The following DNAH6 variants were observed in gnomAD, a reference collection of about 807,000 sequenced individuals.
The protein encoded by DNAH6 is dynein axonemal heavy chain 6, also known as axonemal beta dynein heavy chain 6.
DNAH6 carries 340 observed loss-of-function variants against 491.4 expected under a neutral mutation model. The ratio of observed to expected loss-of-function variants is 0.69; its 90% CI spans 0.63 to 0.76. The LOEUF (loss-of-function observed/expected upper bound fraction) is 0.76, where lower values mean the gene tolerates loss of function less well. Among genes scored for constraint, DNAH6 ranks in the 30% least tolerant of loss-of-function variants. The pLI is 0.00. For synonymous variants in DNAH6, 1,603 were observed against 1,686.1 expected, an observed-to-expected ratio of 0.95 and a Z score of 1.21; for missense variants, 4,443 against 4,972.2, an observed-to-expected ratio of 0.89 and a Z score of 3.20.
intron 17 of DNAH6, among the ~76,000 whole-genome samples, chr2:84,594,649 G>A (rs1684408533): frequency 6.6e-6 from 1 of 152,084 alleles, no homozygotes; most frequent in South Asian, 2.1e-4. Context: ...AAAATAGATG[G>A]CCACCTATAC....
chr2:84,557,237 CAT>C (rs775439518), intron 10 of DNAH6, among the ~76,000 whole-genome samples: 2 of 152,204 alleles, frequency 1.3e-5, no homozygotes, highest in Non-Finnish European at 2.9e-5. Flanking sequence ...AATTAGAAAA[CAT>C]ATGTCCTGAA....
At chr2:84,547,202 T>A in intron 5 of DNAH6, 66 bp from the exon 6 acceptor site, 1 of 1,347,190 alleles carries the variant, frequency 7.4e-7, no homozygotes, top group Middle Eastern at 2.7e-4. Context: ...TCTTGCTTTT[T>A]GAATGTTCTA....
intron 50 of DNAH6, among the ~76,000 whole-genome samples, chr2:84,703,821 C>T (rs1349063259): frequency 6.6e-6 from 1 of 151,990 alleles, no homozygotes; most frequent in African/African-American, 2.4e-5. Flanking sequence ...GAGAAAAGCA[C>T]CACCTACAAA....
At chr2:84,464,188 T>C in the DNAH6 span, among the ~76,000 whole-genome samples, 1 of 152,204 alleles carries the variant, frequency 6.6e-6, no homozygotes, top group Non-Finnish European at 1.5e-5. Flanking sequence ...TACTCCTACT[T>C]TGAAGGCCTG....
At chr2:84,595,558 T>TCGCTGTA in intron 17 of DNAH6, 88 bp from the exon 18 acceptor site, 1 of 1,215,142 alleles carries the variant, frequency 8.2e-7, no homozygotes. Context: ...TAGATTTGGA[T>TCGCTGTA]TAACTTTTAA....
chr2:84,789,131 G>A (rs1677495253), intron 68 of DNAH6, among the ~76,000 whole-genome samples: 1 of 152,154 alleles, frequency 6.6e-6, no homozygotes, highest in African/African-American at 2.4e-5. Context: ...TTTATAAATG[G>A]ATAACTAGTT....
At chr2:84,727,169 T>C (rs1182205323) in intron 60 of DNAH6, among the ~76,000 whole-genome samples, 10 of 152,196 alleles carry the variant, frequency 6.6e-5, no homozygotes, top group African/African-American at 2.2e-4. Context: ...AAACTGGTCC[T>C]GCTAGCTCAC....
chr2:84,719,301 G>GT (rs1341400336), intron 59 of DNAH6, among the ~76,000 whole-genome samples: 1 of 151,856 alleles, frequency 6.6e-6, no homozygotes, highest in Non-Finnish European at 1.5e-5. Context: ...TCTTCCTTGG[G>GT]TTTTTTATTT....
At chr2:84,519,491 A>G (rs1272855570) in intron 2 of DNAH6, among the ~76,000 whole-genome samples, 1 of 152,096 alleles carries the variant, frequency 6.6e-6, no homozygotes, top group Non-Finnish European at 1.5e-5. Context: ...GACTAATTTC[A>G]CACCTGTGGG....
the DNAH6 span, among the ~76,000 whole-genome samples, chr2:84,475,203 G>T: frequency 1.3e-5 from 2 of 152,144 alleles, no homozygotes; most frequent in Non-Finnish European, 2.9e-5. Context: ...ACCTTTTTTG[G>T]TGGCTCCCCA....
At chr2:84,553,070 C>A (rs1424426339) in intron 10 of DNAH6, 36 bp downstream of exon 10, 1 of 1,274,576 alleles carries the variant, frequency 7.8e-7, no homozygotes, top group Non-Finnish European at 1.1e-6. Flanking sequence ...CATGCAAGCA[C>A]CTATTTGGAA....
chr2:84,814,613 C>T (rs1386592387), intron 75 of DNAH6, among the ~76,000 whole-genome samples: 1 of 152,132 alleles, frequency 6.6e-6, no homozygotes, highest in African/African-American at 2.4e-5. Flanking sequence ...ACATAAAAGC[C>T]CCCACCGGAG....
At chr2:84,654,586 G>A in intron 34 of DNAH6, 74 bp from the exon 35 acceptor site, 1 of 1,526,078 alleles carries the variant, frequency 6.6e-7, no homozygotes, top group Non-Finnish European at 8.9e-7. Flanking sequence ...CATTTTATAA[G>A]TGTGAACATT....
chr2:84,526,698 G>C (rs537006323), intron 3 of DNAH6, among the ~76,000 whole-genome samples: 1 of 152,180 alleles, frequency 6.6e-6, no homozygotes, highest in South Asian at 2.1e-4. Flanking sequence ...GGGTTTGGGT[G>C]AGATCATCCT....
Position 84,634,501 on chromosome 2 carries a change from C to T in DNAH6, c.4516-3C>T. On this transcript the variant is annotated splice_region_variant and splice_polypyrimidine_tract_variant and intron_variant, in intron 29 of 76. Transcript: ENST00000389394. ...AAGTTGAACTGCTTTATTTTGATTTCAGATGATGGGGCGCTTCTTCAGTGG... is the reference window on the plus strand; with the variant it reads ...AAGTTGAACTGCTTTATTTTGATTTTAGATGATGGGGCGCTTCTTCAGTGG... 2 of 1,532,748 alleles carry T rather than the reference C, an allele frequency of 1.3e-6. No individual in the cohort carries two copies. The highest frequency in any genetic ancestry group is 1.8e-6 in the Non-Finnish European group (2 of 1,140,522). 94.9% of individuals were successfully genotyped at this position (1,532,748 alleles called of 1,614,324 possible).
chr2:84,768,357 G>C (rs1392657330), intron 64 of DNAH6, among the ~76,000 whole-genome samples: 1 of 151,434 alleles, frequency 6.6e-6, no homozygotes, highest in African/African-American at 2.4e-5. Flanking sequence ...TAAATAGAGA[G>C]AGTCTAAAAA....
intron 4 of DNAH6, among the ~76,000 whole-genome samples, chr2:84,539,850 A>C (rs867329303): frequency 6.6e-6 from 1 of 152,166 alleles, no homozygotes; most frequent in Non-Finnish European, 1.5e-5. Context: ...ATCTTTGGTT[A>C]ATCAAACCAG....
intron 34 of DNAH6, 61 bp from the exon 35 acceptor site, chr2:84,654,599 A>C: frequency 6.5e-7 from 1 of 1,540,258 alleles, no homozygotes. Flanking sequence ...TGAACATTGA[A>C]GTTGGAGAAA....
At chr2:84,541,394 G>C (rs996247268) in intron 4 of DNAH6, among the ~76,000 whole-genome samples, 3 of 152,168 alleles carry the variant, frequency 2.0e-5, no homozygotes, top group Admixed American at 6.5e-5. Context: ...GGGAAGTCCT[G>C]TTGATCTTTG....
Sources: gnomAD v4.1 joint callset for allele counts (sites outside exome capture counted in the v4.1 genomes callset) on GRCh38, gnomAD v4.1.1 for gene constraint, MANE v1.5 for transcripts, NCBI Gene and HGNC (gene_info 2026-07-23, HGNC 2026-07-21) for gene names.